INPP4B: variants seen among roughly 807,000 people sequenced by gnomAD.
INPP4B encodes inositol polyphosphate 4-phosphatase type II.
INPP4B carries 55 observed loss-of-function variants against 122.5 expected under a neutral mutation model. That is an observed-to-expected ratio of 0.45 (90% CI 0.36 to 0.56). The LOEUF is 0.56. Among genes scored for constraint, INPP4B ranks in the 20% least tolerant of loss-of-function variants. The pLI is 0.00. For synonymous variants in INPP4B, 403 were observed against 388.7 expected (o/e 1.04, Z -0.43); for missense variants, 1,000 against 1,097.7 (o/e 0.91, Z 1.26).
intron 18 of INPP4B, among the ~76,000 whole-genome samples, chr4:142,130,906 T>C (rs1260906106): frequency 1.3e-5 from 2 of 152,218 alleles, no homozygotes; most frequent in Non-Finnish European, 2.9e-5. Context: ...TTTCCAGTCT[T>C]GCTCTTAGGA....
At position 142,193,140 on chromosome 4, in the gene INPP4B, A is replaced by C; in HGVS notation, c.1128T>G (p.Phe376Leu). 6.2e-7 allele frequency: 1 copy of C among 1,613,240 alleles called. No homozygotes were observed. The highest frequency in any genetic ancestry group is 8.5e-7 in the Non-Finnish European group (1 of 1,179,224). Residue 376 changes from phenylalanine to leucine, a missense_variant, in exon 15 of 26, where the codon TTT (phenylalanine) becomes TTG (leucine). Coordinates refer to ENST00000262992, the MANE Select transcript of INPP4B (RefSeq NM_001101669.3). ...GTAGCTTCCGAAGACCACCATTCTT[A>C]AATCCCTGAAAATGGGCAGCTGGGG... is the stretch of plus-strand genomic sequence containing the variant. Reference protein sequence around the residue: ...VGAPAAHFQGFKNGGLRKLLH... With the variant: ...VGAPAAHFQGLKNGGLRKLLH...
chr4:142,758,868 G>T (rs548180535), intron 1 of INPP4B, among the ~76,000 whole-genome samples: 1 of 151,026 alleles, frequency 6.6e-6, no homozygotes, highest in Non-Finnish European at 1.5e-5. Context: ...CACGAGACTC[G>T]CTTGAACCCA....
intron 25 of INPP4B, among the ~76,000 whole-genome samples, chr4:142,054,526 C>T (rs1756517902): frequency 6.6e-6 from 1 of 151,960 alleles, no homozygotes; most frequent in Non-Finnish European, 1.5e-5. Flanking sequence ...TCAGATAGTT[C>T]ACCACATACA....
intron 7 of INPP4B, among the ~76,000 whole-genome samples, chr4:142,360,071 T>A (rs9308150): frequency 4.6e-5 from 7 of 151,758 alleles, no homozygotes; most frequent in Admixed American, 2.0e-4. Flanking sequence ...TTTAAAGAAA[T>A]ATTAAAAGAA....
At chr4:142,292,379 G>A (rs1310111229) in intron 9 of INPP4B, among the ~76,000 whole-genome samples, 3 of 152,144 alleles carry the variant, frequency 2.0e-5, no homozygotes, top group African/African-American at 7.2e-5. Context: ...CATTTTTCCT[G>A]ATACTAGAAG....
At chr4:142,128,749 T>G (rs1013499879) in intron 18 of INPP4B, among the ~76,000 whole-genome samples, 1 of 152,140 alleles carries the variant, frequency 6.6e-6, no homozygotes. Context: ...GGAAGCTCAC[T>G]GAAGGATTCA....
At chr4:142,241,799 A>T (rs1351807362) in intron 11 of INPP4B, among the ~76,000 whole-genome samples, 2 of 152,138 alleles carry the variant, frequency 1.3e-5, no homozygotes, top group African/African-American at 4.8e-5. Context: ...GGAAATACAG[A>T]TTCAGGGTCC....
At chr4:142,338,652 G>T (rs2151654282) in intron 7 of INPP4B, among the ~76,000 whole-genome samples, 1 of 152,258 alleles carries the variant, frequency 6.6e-6, no homozygotes, top group South Asian at 2.1e-4. Context: ...ATAAAGCAAG[G>T]TTCTCAAAGC....
chr4:142,396,379 G>A (rs1266603375), intron 7 of INPP4B, among the ~76,000 whole-genome samples: 1 of 151,940 alleles, frequency 6.6e-6, no homozygotes, highest in African/African-American at 2.4e-5. Context: ...AACATAATTA[G>A]TCATCAGGAA....
At chr4:142,269,855 A>AT (rs1448680126) in intron 10 of INPP4B, among the ~76,000 whole-genome samples, 1 of 152,152 alleles carries the variant, frequency 6.6e-6, no homozygotes, top group African/African-American at 2.4e-5. Context: ...ATTAAAAATA[A>AT]TTTTTTAAAA....
intron 1 of INPP4B, among the ~76,000 whole-genome samples, chr4:142,806,802 A>G (rs546486609): frequency 4.8e-5 from 7 of 146,980 alleles, no homozygotes; most frequent in South Asian, 4.3e-4. Context: ...AAAGAAAGAA[A>G]GAAAGAAAGA....
intron 3 of INPP4B, among the ~76,000 whole-genome samples, chr4:142,439,281 C>T (rs2149428382): frequency 6.6e-6 from 1 of 152,294 alleles, no homozygotes; most frequent in Middle Eastern, 3.4e-3. Flanking sequence ...GTCTGAGGCT[C>T]TTCCTGTGTA....
chr4:142,839,705 T>C (rs1289190542), intron 1 of INPP4B, among the ~76,000 whole-genome samples: 1 of 152,220 alleles, frequency 6.6e-6, no homozygotes, highest in Admixed American at 6.5e-5. Flanking sequence ...AGTGGGACTG[T>C]AAATGAAATG....
At chr4:142,388,885 A>G (rs1173083966) in intron 7 of INPP4B, among the ~76,000 whole-genome samples, 1 of 152,116 alleles carries the variant, frequency 6.6e-6, no homozygotes, top group East Asian at 1.9e-4. Flanking sequence ...TGTGCCTTAT[A>G]TTAGGCTGTA....
At chr4:142,579,318 C>A (rs551676564) in intron 2 of INPP4B, among the ~76,000 whole-genome samples, 8 of 152,058 alleles carry the variant, frequency 5.3e-5, no homozygotes, top group African/African-American at 1.9e-4. Context: ...GATGGCCTTT[C>A]AGAGTTAGAA....
chr4:142,512,722 G>T (rs1824900386), intron 2 of INPP4B, among the ~76,000 whole-genome samples: 1 of 152,206 alleles, frequency 6.6e-6, no homozygotes, highest in Non-Finnish European at 1.5e-5. Context: ...CCTAAGCAGA[G>T]CCTCTAATGT....
intron 2 of INPP4B, among the ~76,000 whole-genome samples, chr4:142,558,823 A>AG (rs1729827935): frequency 1.5e-5 from 2 of 135,186 alleles, no homozygotes; most frequent in Non-Finnish European, 3.2e-5. Flanking sequence ...AAAAAAAAAA[A>AG]GAAGCTCAAT....
At chr4:142,632,926 AT>A (rs1326393834) in intron 2 of INPP4B, among the ~76,000 whole-genome samples, 8 of 141,782 alleles carry the variant, frequency 5.6e-5, no homozygotes, top group South Asian at 2.3e-4. Context: ...TGAAAAAAAA[AT>A]TTTAAATAAT....
intron 7 of INPP4B, among the ~76,000 whole-genome samples, chr4:142,389,739 AT>A (rs578066041): frequency 8.4e-4 from 128 of 152,300 alleles, no homozygotes; most frequent in African/African-American, 2.9e-3. Context: ...TTTTACCAAG[AT>A]TAAAATTTGC....
Sources: gnomAD v4.1 joint callset for allele counts (sites outside exome capture counted in the v4.1 genomes callset) on GRCh38, gnomAD v4.1.1 for gene constraint, MANE v1.5 for transcripts, NCBI Gene and HGNC (gene_info 2026-07-23, HGNC 2026-07-21) for gene names.